Variants in HS6ST1 observed in about 807,000 individuals in gnomAD.
HS6ST1 encodes the protein heparan-sulfate 6-O-sulfotransferase 1.
Under a neutral mutation model 25.2 loss-of-function variants are expected in HS6ST1, and 3 were observed. That is an observed-to-expected ratio of 0.12 (90% CI 0.05 to 0.31). The LOEUF (loss-of-function observed/expected upper bound fraction) is 0.31. HS6ST1 is among the 10% of genes least tolerant of loss of function. The probability of loss-of-function intolerance (pLI) is 1.00; values close to 1 mark genes in which losing one functional copy is unlikely to be tolerated. For synonymous variants in HS6ST1, 204 were observed against 275.1 expected (o/e 0.74, Z 2.56); for missense variants, 310 against 609.6 (o/e 0.51, Z 5.18).
chr2:128,283,160 A>G (rs1196784525), intron 1 of HS6ST1, among the ~76,000 whole-genome samples: 3 of 151,854 alleles, frequency 2.0e-5, no homozygotes, highest in Non-Finnish European at 4.4e-5. Flanking sequence ...AAAGGCCAGG[A>G]CTCTCTGGCT....
intron 1 of HS6ST1, among the ~76,000 whole-genome samples, chr2:128,298,608 C>G (rs1694075842): frequency 6.6e-6 from 1 of 152,062 alleles, no homozygotes; most frequent in Non-Finnish European, 1.5e-5. Context: ...TCTAGAGTAG[C>G]CAAATTCATA....
chr2:128,268,643 C>T lies in HS6ST1; in HGVS notation c.755G>A (p.Arg252His), dbSNP rs1479415124. 3 of 1,609,422 alleles carry T rather than the reference C, an allele frequency of 1.9e-6. No homozygotes were observed. The highest frequency in any genetic ancestry group is 2.5e-6 in the Non-Finnish European group (3 of 1,178,410). Residue 252 changes from arginine (R) to histidine (H), a missense_variant, in exon 2 of 2, where the codon CGC becomes CAC. This residue lies in a region of HS6ST1 where 98 missense variants were observed against 270.3 expected (regional missense o/e 0.36). Transcript: ENST00000259241. ...CACCAGGCTCAGGTCGGCCAGCATGCGCACCTGGCGGTTGTTGGCCAGGTT... is the reference window on the plus strand; with the variant it reads ...CACCAGGCTCAGGTCGGCCAGCATGTGCACCTGGCGGTTGTTGGCCAGGTT... ...PYNLANNRQVRMLADLSLVGC... is the reference protein window; with the variant it reads ...PYNLANNRQVHMLADLSLVGC...
At chr2:128,313,052 G>A (rs1694314851) in intron 1 of HS6ST1, among the ~76,000 whole-genome samples, 1 of 151,780 alleles carries the variant, frequency 6.6e-6, no homozygotes, top group African/African-American at 2.4e-5. Flanking sequence ...CGGACAGAGT[G>A]AGACTCCATC....
At chr2:128,307,669 A>G (rs1166948743) in intron 1 of HS6ST1, among the ~76,000 whole-genome samples, 1 of 152,226 alleles carries the variant, frequency 6.6e-6, no homozygotes, top group African/African-American at 2.4e-5. Context: ...ACACATGGTA[A>G]GATGCTATCT....
chr2:128,277,849 C>T (rs1693718955), intron 1 of HS6ST1, among the ~76,000 whole-genome samples: 1 of 152,276 alleles, frequency 6.6e-6, no homozygotes, highest in Admixed American at 6.5e-5. Flanking sequence ...CTTGTGAAAG[C>T]CCACAGAATG....
At chr2:128,277,447 C>T (rs1472634116) in intron 1 of HS6ST1, among the ~76,000 whole-genome samples, 1 of 152,218 alleles carries the variant, frequency 6.6e-6, no homozygotes, top group Non-Finnish European at 1.5e-5. Flanking sequence ...CCTGTCTGCA[C>T]CACTGGCTGC....
rs1221302498 is a variant in HS6ST1, at chr2:128,318,050, G to A, written c.514C>T (p.Leu172=). 1.3e-6 allele frequency: 2 copies of A among 1,518,380 alleles called. No individual in the cohort carries two copies. The highest frequency in any genetic ancestry group is 1.2e-5 in the South Asian group (1 of 81,872). 94.1% of individuals were successfully genotyped at this position (1,518,380 alleles called of 1,614,324 possible). The change falls in exon 1 of 2, where the codon CTG becomes TTG. Residue 172 remains leucine (L), a synonymous_variant. Coordinates refer to ENST00000259241, the MANE Select transcript of HS6ST1 (RefSeq NM_004807.3). This position sits in a 1 kb window ranked among gnomAD's most constrained non-coding sequence, Gnocchi z 5.7. Reference sequence around the variant, plus strand: ...CCGGGCGCTCACCTGGGCGTGCGCAGCGCGGCGGAGTCGCGGCGGTCCAGC... The same window carrying A: ...CCGGGCGCTCACCTGGGCGTGCGCAACGCGGCGGAGTCGCGGCGGTCCAGC... ...GVLDRRDSAA[L]RTPRKFYYIT...
intron 1 of HS6ST1, 152 bp downstream of exon 1, chr2:128,317,885 C>A (rs1300445290): frequency 7.8e-6 from 7 of 902,540 alleles, no homozygotes; most frequent in Middle Eastern, 3.7e-4. Flanking sequence ...GCCTCGGGCG[C>A]TCGGCAGGTC....
chr2:128,280,137 G>T (rs1047443429), intron 1 of HS6ST1, among the ~76,000 whole-genome samples: 1 of 152,138 alleles, frequency 6.6e-6, no homozygotes, highest in Non-Finnish European at 1.5e-5. Flanking sequence ...AGGGGCCCCC[G>T]GTGCCCATGC....
At chr2:128,269,264 G>C (rs997620390) in intron 1 of HS6ST1, among the ~76,000 whole-genome samples, 1 of 152,208 alleles carries the variant, frequency 6.6e-6, no homozygotes, top group Non-Finnish European at 1.5e-5. Flanking sequence ...CACTCAGCAG[G>C]AACAGAAGGT....
At chr2:128,276,252 C>T (rs1211073570) in intron 1 of HS6ST1, among the ~76,000 whole-genome samples, 1 of 152,148 alleles carries the variant, frequency 6.6e-6, no homozygotes, top group Non-Finnish European at 1.5e-5. Flanking sequence ...CTCAGCCTCC[C>T]GAGTAGCTGG....
chr2:128,285,419 G>A (rs76216791), intron 1 of HS6ST1, among the ~76,000 whole-genome samples: 165 of 152,308 alleles, frequency 1.1e-3, no homozygotes, highest in African/African-American at 3.6e-3. Context: ...ACAACGTGAG[G>A]CCCTGCCTTG....
Position 128,318,260 on chromosome 2 carries a change from AG to A in HS6ST1, c.303del (p.Phe102SerfsTer91), listed in dbSNP as rs1694403994. 6.3e-7 allele frequency: 1 copy of A among 1,580,510 alleles called. No individual in the cohort carries two copies. The highest frequency in any genetic ancestry group is 8.6e-7 in the Non-Finnish European group (1 of 1,159,794). On this transcript the variant is annotated frameshift_variant, in exon 1 of 2. Transcript: ENST00000259241. LOFTEE classifies it high-confidence loss of function. The surrounding 1 kb of genome is among the most constrained non-coding windows in gnomAD (Gnocchi z 5.7). Reference protein sequence around the residue: ...FLHIQKTGGTTFGRHLVQNVR... With the variant: ...FLHIQKTGGTXFGRHLVQNVR... Reference sequence around the variant, plus strand: ...ACGTTCTGCACGAGGTGGCGGCCGAAGGTGGTGCCGCCCGTCTTCTGGATGT... The same window carrying A: ...ACGTTCTGCACGAGGTGGCGGCCGAAGTGGTGCCGCCCGTCTTCTGGATGT...
chr2:128,287,611 C>T (rs192597772), intron 1 of HS6ST1, among the ~76,000 whole-genome samples: 21 of 152,338 alleles, frequency 1.4e-4, no homozygotes, highest in East Asian at 7.7e-4. Flanking sequence ...CTAGAGACGC[C>T]GGGTCCAGGG....
intron 1 of HS6ST1, among the ~76,000 whole-genome samples, chr2:128,288,691 A>T (rs1221103562): frequency 8.3e-5 from 11 of 132,284 alleles, no homozygotes; most frequent in Non-Finnish European, 4.7e-5. Flanking sequence ...AAACAAACAA[A>T]CAAACAAAAC....
intron 1 of HS6ST1, among the ~76,000 whole-genome samples, chr2:128,283,584 C>G (rs533451672): frequency 1.3e-5 from 2 of 152,334 alleles, no homozygotes. Flanking sequence ...CCACTTACAC[C>G]TGGAACTCTG....
intron 1 of HS6ST1, among the ~76,000 whole-genome samples, chr2:128,294,673 T>A (rs1694012519): frequency 7.6e-5 from 1 of 13,102 alleles, no homozygotes; most frequent in Admixed American, 1.1e-3. Flanking sequence ...AAGGGAGGCG[T>A]GTGTGTGTGT....
intron 1 of HS6ST1, chr2:128,290,079 T>C (rs1306789189): frequency 1.3e-5 from 2 of 151,916 alleles, no homozygotes; most frequent in East Asian, 1.9e-4. Context: ...TATACATATA[T>C]GTAAACAGCA....
Position 128,318,617 on chromosome 2 carries a change from G to A in HS6ST1, c.-54C>T, listed in dbSNP as rs1378566272. On this transcript the variant is annotated 5_prime_UTR_variant, in exon 1 of 2. Coordinates refer to ENST00000259241, the MANE Select transcript of HS6ST1 (RefSeq NM_004807.3). This position sits in a 1 kb window ranked among gnomAD's most constrained non-coding sequence, Gnocchi z 5.7. The stretch of plus-strand genomic sequence containing the variant: ...GGGCGCGGGGCCTGGGAGGGCAGGA[G>A]GCGCGGGCGCAGCTGCCTCCGCCGC... 4.7e-5 allele frequency: 41 copies of A among 865,848 alleles called. No homozygotes were observed. Among genetic ancestry groups the A allele is most frequent in the Non-Finnish European group, 5.8e-5 (39 of 670,382 alleles). The allele number at this position is 865,848 out of a possible 1,614,324, so 53.6% of individuals were successfully genotyped here. A position where few individuals can be genotyped will look rare whatever the true frequency, so the allele number is the denominator to read the frequency against.
Sources: allele counts gnomAD v4.1 joint callset (sites outside exome capture counted in the v4.1 genomes callset), GRCh38; gene constraint gnomAD v4.1.1; regional missense constraint gnomAD v4.1.1; non-coding constraint Gnocchi (gnomAD v3.1); transcripts MANE v1.5; gene names NCBI Gene and HGNC (gene_info 2026-07-23, HGNC 2026-07-21).